Variants in GRIK2 observed in about 807,000 individuals in gnomAD.
GRIK2 encodes glutamate ionotropic receptor kainate type subunit 2.
GRIK2 carries 32 observed loss-of-function variants against 100.3 expected under a neutral mutation model. The ratio of observed to expected loss-of-function variants is 0.32; its 90% CI spans 0.24 to 0.43. The LOEUF is 0.43. Ranked by LOEUF, GRIK2 falls within the 20% of genes least tolerant of loss-of-function variation. The pLI is 1.00. For missense variants in GRIK2, 843 were observed against 1,114.9 expected (o/e 0.76, Z 3.47); for synonymous variants, 417 against 389.4 (o/e 1.07, Z -0.83).
intron 15 of GRIK2, among the ~76,000 whole-genome samples, chr6:102,045,519 G>T (rs949480200): frequency 6.6e-6 from 1 of 152,008 alleles, no homozygotes; most frequent in Non-Finnish European, 1.5e-5. Context: ...GACCATGGAA[G>T]AATTTAGCCA....
At position 102,035,376 on chromosome 6, in the gene GRIK2, C is replaced by T. The variant is rs200287424; in HGVS notation, c.2121C>T (p.Ala707=). ...TCTCCACGTATGACAAAATGTGGGCCTTTATGAGTAGCAGAAGGCAGTCAG... is the reference window on the plus strand; with the variant it reads ...TCTCCACGTATGACAAAATGTGGGCTTTTATGAGTAGCAGAAGGCAGTCAG... ...SKISTYDKMW[A]FMSSRRQSVL... The change falls in exon 15 of 17, where the codon GCC becomes GCT. Residue 707 remains alanine (A), a synonymous_variant. Transcript: ENST00000369134. The T allele has an allele frequency of 6.2e-7, 1 of 1,606,616 alleles. No individual in the cohort carries two copies. The highest frequency in any genetic ancestry group is 1.1e-5 in the South Asian group (1 of 90,758).
chr6:101,608,198 C>T (rs1779517368), intron 2 of GRIK2, among the ~76,000 whole-genome samples: 1 of 151,738 alleles, frequency 6.6e-6, no homozygotes, highest in Non-Finnish European at 1.5e-5. Context: ...AGCCAACTGA[C>T]TCCAAGAGCC....
rs529500035 is a variant in GRIK2 at position 101,666,573 on chromosome 6, G to A, written c.542-10050G>A. 6.6e-5 allele frequency among the ~76,000 whole-genome samples: 10 copies of A among 152,328 alleles called. No individual in the cohort carries two copies. In the East Asian group the frequency reaches 1.7e-3, roughly 27 times the overall value. ...AAAGCACTCTTGTTAGATAGGACAT[G>A]GCAAAGGCTTAGAGAGTGTCTCCCA... On this transcript the variant is annotated intron_variant, in intron 4 of 16. Coordinates refer to ENST00000369134, the MANE Select transcript of GRIK2 (RefSeq NM_021956.5).
At chr6:101,847,675 A>G (rs951758285) in intron 10 of GRIK2, among the ~76,000 whole-genome samples, 1 of 152,030 alleles carries the variant, frequency 6.6e-6, no homozygotes, top group Non-Finnish European at 1.5e-5. Context: ...ATTCTGCCCT[A>G]TTCTTCCTTC....
rs1465091016 is a variant in GRIK2 at position 101,813,115 on chromosome 6, A to G, written c.1204-5255A>G. ...TATATAGAGATACATGCATACATCT[A>G]CATAGACATATGTAAACATCCACAT... On this transcript the variant is annotated intron_variant, in intron 9 of 16. Coordinates refer to ENST00000369134, the MANE Select transcript of GRIK2 (RefSeq NM_021956.5). Among the ~76,000 whole-genome samples, 4 of 152,130 alleles carry G rather than the reference A, an allele frequency of 2.6e-5. No individual in the cohort carries two copies. In the East Asian group the frequency reaches 7.7e-4, roughly 29 times the overall value.
rs1355764769 is a variant in GRIK2 at position 101,963,603 on chromosome 6, C to T, written c.2085+34971C>T. Among the ~76,000 whole-genome samples, 9 of 148,806 alleles carry T rather than the reference C, an allele frequency of 6.0e-5. No homozygotes were observed. In the South Asian group the frequency reaches 6.3e-4, roughly 10 times the overall value. On this transcript the variant is annotated intron_variant, in intron 14 of 16. Coordinates refer to ENST00000369134, the MANE Select transcript of GRIK2 (RefSeq NM_021956.5). ...TCCTGACCTCGTGATCCACCCGCCT[C>T]GCCCTCCCAAAGTGCTGGGATTACA...
chr6:101,721,515 G>T (rs1480782802), intron 7 of GRIK2, among the ~76,000 whole-genome samples: 1 of 151,896 alleles, frequency 6.6e-6, no homozygotes, highest in African/African-American at 2.4e-5. Context: ...AGCCATGATT[G>T]TACCCCTGCA....
At chr6:101,671,674 G>C (rs1428254655) in intron 4 of GRIK2, among the ~76,000 whole-genome samples, 4 of 152,132 alleles carry the variant, frequency 2.6e-5, no homozygotes, top group African/African-American at 9.7e-5. Flanking sequence ...GACCAGTCTG[G>C]CCAACAGGGT....
At chr6:101,750,746 A>C (rs1194127544) in intron 7 of GRIK2, among the ~76,000 whole-genome samples, 1 of 152,220 alleles carries the variant, frequency 6.6e-6, no homozygotes, top group African/African-American at 2.4e-5. Flanking sequence ...AAGGGTTGTA[A>C]CTATATAGAG....
intron 2 of GRIK2, among the ~76,000 whole-genome samples, chr6:101,445,028 C>T (rs1397046850): frequency 6.6e-6 from 1 of 152,060 alleles, no homozygotes; most frequent in Non-Finnish European, 1.5e-5. Flanking sequence ...TATGTAACAG[C>T]ATCCTTGGCA....
chr6:102,035,848 T>A, intron 15 of GRIK2, among the ~76,000 whole-genome samples: 1 of 151,442 alleles, frequency 6.6e-6, no homozygotes, highest in Admixed American at 6.6e-5. Flanking sequence ...CCTTCTCTTT[T>A]CAATCTTAAA....
intron 7 of GRIK2, among the ~76,000 whole-genome samples, chr6:101,772,130 C>T (rs768860724): frequency 6.6e-6 from 1 of 152,154 alleles, no homozygotes; most frequent in Non-Finnish European, 1.5e-5. Flanking sequence ...CTTTTCTCTA[C>T]TGGCTTCATT....
chr6:101,551,542 C>T (rs555778017), intron 2 of GRIK2, among the ~76,000 whole-genome samples: 60 of 152,168 alleles, frequency 3.9e-4, no homozygotes, highest in African/African-American at 1.4e-3. Context: ...TGGCCATATC[C>T]GGGCCTGGAT....
intron 11 of GRIK2, among the ~76,000 whole-genome samples, chr6:101,867,669 GT>G (rs1383947225): frequency 1.3e-5 from 2 of 151,630 alleles, no homozygotes; most frequent in African/African-American, 4.8e-5. Context: ...AAAAAGGTAT[GT>G]TAAGTGTTTA....
Position 101,996,458 on chromosome 6 carries a change from CA to C in GRIK2, c.2086-38876del, listed in dbSNP as rs369489400. Among the ~76,000 whole-genome samples the C allele has an allele frequency of 5.8e-4, 88 of 151,896 alleles. 1 individual carries two copies. Among genetic ancestry groups the C allele is most frequent in the African/African-American group, 2.0e-3 (84 of 41,470 alleles). On this transcript the variant is annotated intron_variant, in intron 14 of 16. Coordinates refer to ENST00000369134, the MANE Select transcript of GRIK2 (RefSeq NM_021956.5). ...TTCATTAATTACTTTTACAGATAAC[CA>C]AAAAAATGCCAAAAAGTGCTGTTTC... is the stretch of plus-strand genomic sequence containing the variant.
intron 2 of GRIK2, among the ~76,000 whole-genome samples, chr6:101,468,213 G>A (rs528807293): frequency 6.6e-6 from 1 of 152,250 alleles, no homozygotes; most frequent in South Asian, 2.1e-4. Context: ...AGGGGATCAG[G>A]TCCCAGGTAG....
At chr6:101,787,091 T>C (rs9386293) in intron 7 of GRIK2, among the ~76,000 whole-genome samples, 40,841 of 151,768 alleles carry the variant, frequency 0.27, 7,397 homozygotes, top group East Asian at 0.68. Context: ...TATAAATTTT[T>C]GAGTTTGTTA....
At chr6:102,064,450 TTCTC>T (rs2114533692) in intron 16 of GRIK2, among the ~76,000 whole-genome samples, 1 of 149,452 alleles carries the variant, frequency 6.7e-6, no homozygotes, top group East Asian at 2.0e-4. Context: ...CCATCTTTCT[TTCTC>T]TCTTTCCCTC....
chr6:101,867,705 TAAAG>T (rs1199314128), intron 11 of GRIK2, among the ~76,000 whole-genome samples: 4 of 151,572 alleles, frequency 2.6e-5, no homozygotes, highest in Admixed American at 6.6e-5. Flanking sequence ...ACTAATATAA[TAAAG>T]AATGTCTTCT....
Sources: allele counts gnomAD v4.1 joint callset (sites outside exome capture counted in the v4.1 genomes callset), GRCh38; gene constraint gnomAD v4.1.1; transcripts MANE v1.5; gene names NCBI Gene and HGNC (gene_info 2026-07-23, HGNC 2026-07-21).